Variants in SHLD2 observed in about 807,000 individuals in gnomAD.
SHLD2 encodes the protein shieldin complex subunit 2.
SHLD2 carries 30 observed loss-of-function variants against 73.2 expected under a neutral mutation model. The ratio of observed to expected loss-of-function variants is 0.41; its 90% confidence interval spans 0.31 to 0.56. SHLD2 has a LOEUF of 0.56. Among genes scored for constraint, SHLD2 ranks in the 20% least tolerant of loss-of-function variants. The pLI is 0.28. For synonymous variants in SHLD2, 285 were observed against 370.1 expected (o/e 0.77, Z 2.64); for missense variants, 745 against 1,055.9 (o/e 0.71, Z 4.08).
At chr10:87,187,005 T>C in intron 8 of SHLD2, 80 bp from the exon 9 acceptor site, 1 of 929,906 alleles carries the variant, frequency 1.1e-6, no homozygotes, top group Non-Finnish European at 1.7e-6. Context: ...ACCAAGTGCT[T>C]TTTGGAATTA....
intron 2 of SHLD2, among the ~76,000 whole-genome samples, chr10:87,107,094 C>A (rs75983988): frequency 5.6e-3 from 621 of 110,162 alleles, no homozygotes; most frequent in East Asian, 7.2e-3. Flanking sequence ...CAATAATTGG[C>A]AAAAAAAAAA....
chr10:87,170,350 G>A, intron 4 of SHLD2, 128 bp from the exon 5 acceptor site: 1 of 642,652 alleles, frequency 1.6e-6, no homozygotes, highest in Non-Finnish European at 2.5e-6. Context: ...ATGTTTTAGA[G>A]AAAGCAAAAC....
intron 2 of SHLD2, among the ~76,000 whole-genome samples, chr10:87,140,424 A>AG (rs1845108654): frequency 6.6e-6 from 1 of 151,200 alleles, no homozygotes; most frequent in African/African-American, 2.4e-5. Flanking sequence ...TATCTCAAAA[A>AG]AAAAAAAAAA....
intron 9 of SHLD2, among the ~76,000 whole-genome samples, chr10:87,188,366 C>A (rs559019907): frequency 6.6e-6 from 1 of 151,520 alleles, no homozygotes; most frequent in East Asian, 2.0e-4. Flanking sequence ...TTTTTTCTTT[C>A]CCCCATCTGT....
chr10:87,103,633 G>GT (rs1842407213), intron 2 of SHLD2, among the ~76,000 whole-genome samples: 1 of 152,106 alleles, frequency 6.6e-6, no homozygotes, highest in African/African-American at 2.4e-5. Flanking sequence ...TAATTTTGAT[G>GT]TTTTTTCCTT....
intron 8 of SHLD2, among the ~76,000 whole-genome samples, chr10:87,185,953 C>A (rs1032282382): frequency 1.3e-5 from 2 of 152,094 alleles, no homozygotes; most frequent in African/African-American, 4.8e-5. Flanking sequence ...AGCAGTCCTC[C>A]TCACCTTGGC....
At chr10:87,187,969 G>A (rs1008965046) in intron 9 of SHLD2, among the ~76,000 whole-genome samples, 4 of 152,200 alleles carry the variant, frequency 2.6e-5, no homozygotes, top group African/African-American at 4.8e-5. Flanking sequence ...TGCTTATGGT[G>A]GGAAGTGGTT....
chr10:87,167,180 C>T (rs914760791), intron 4 of SHLD2, among the ~76,000 whole-genome samples: 14 of 152,132 alleles, frequency 9.2e-5, no homozygotes, highest in South Asian at 2.1e-4. Flanking sequence ...TTTCATAAAA[C>T]TCTTATGACA....
At chr10:87,150,325 A>G (rs896018996) in intron 2 of SHLD2, among the ~76,000 whole-genome samples, 5 of 152,010 alleles carry the variant, frequency 3.3e-5, no homozygotes, top group Admixed American at 2.6e-4. Context: ...TGGCCTCCCA[A>G]AGTGCTGCGA....
chr10:87,148,728 G>C (rs1359388493), intron 2 of SHLD2, among the ~76,000 whole-genome samples: 1 of 152,022 alleles, frequency 6.6e-6, no homozygotes, highest in African/African-American at 2.4e-5. Flanking sequence ...GGGTGACAGA[G>C]AGAGACCCTA....
intron 3 of SHLD2, chr10:87,154,045 AC>A (rs1846201850): frequency 6.6e-6 from 1 of 152,178 alleles, no homozygotes; most frequent in East Asian, 1.9e-4. Flanking sequence ...TTTAATAGGG[AC>A]AGGGTCTCAC....
At chr10:87,126,370 A>G (rs1203297240) in intron 2 of SHLD2, among the ~76,000 whole-genome samples, 1 of 152,186 alleles carries the variant, frequency 6.6e-6, no homozygotes, top group Non-Finnish European at 1.5e-5. Flanking sequence ...ATGAGCCACC[A>G]CACCCAGTTG....
chr10:87,190,741 T>C lies in SHLD2; in HGVS notation c.*58T>C. On this transcript the variant is annotated 3_prime_UTR_variant, in exon 10 of 10. Transcript: ENST00000298786. ...AAGAAGTACTGAAATGATTTGTCTTTTGAAATAAATGAATGACAGGGCTTT... is the reference window on the plus strand; with the variant it reads ...AAGAAGTACTGAAATGATTTGTCTTCTGAAATAAATGAATGACAGGGCTTT... The C allele has an allele frequency of 7.2e-7, 1 of 1,397,616 alleles. No homozygotes were observed. 86.6% of individuals were successfully genotyped at this position (1,397,616 alleles called of 1,614,324 possible).
chr10:87,146,529 A>G (rs970840167), intron 2 of SHLD2, among the ~76,000 whole-genome samples: 11 of 151,932 alleles, frequency 7.2e-5, no homozygotes, highest in Admixed American at 6.5e-4. Flanking sequence ...CCTGACCTCA[A>G]GTGATCTGCC....
chr10:87,108,713 C>G (rs1157616004), intron 2 of SHLD2, among the ~76,000 whole-genome samples: 2 of 152,224 alleles, frequency 1.3e-5, no homozygotes, highest in Non-Finnish European at 2.9e-5. Flanking sequence ...TCAGTAGCTT[C>G]TGGCTTAACT....
At chr10:87,094,543 C>T, upstream of SHLD2, 1 of 1,612,492 alleles carries the variant, frequency 6.2e-7, no homozygotes, top group South Asian at 1.1e-5. This position sits in a 1 kb window ranked among gnomAD's most constrained non-coding sequence, Gnocchi z 6.6. Context: ...GCTGGCGCCG[C>T]GATCGAAGAA....
At chr10:87,151,304 A>G in intron 2 of SHLD2, 46 bp from the exon 3 acceptor site, 1 of 1,123,492 alleles carries the variant, frequency 8.9e-7, no homozygotes, top group Non-Finnish European at 1.2e-6. Context: ...CCATATGCAA[A>G]AATATGCTGA....
chr10:87,136,870 A>C (rs3117885), intron 2 of SHLD2, among the ~76,000 whole-genome samples: 1 of 152,214 alleles, frequency 6.6e-6, no homozygotes, highest in African/African-American at 2.4e-5. Flanking sequence ...CAAGTGAAGG[A>C]CTTGATCTCA....
In SHLD2 at chr10:87,152,239, T is replaced by C. The variant is rs745902587; in HGVS notation, c.885T>C (p.Gly295=). The change falls in exon 3 of 10, where the codon GGT becomes GGC. Residue 295 remains glycine, a synonymous_variant. Transcript: ENST00000298786. ...AAGAGAATTCGATTCAGCTTGATGG[T>C]TTTACAGAAGCATATGAAAGTGGAC... ...IPEENSIQLD[G]FTEAYESGQN... 5 of 1,574,648 alleles carry C rather than the reference T, an allele frequency of 3.2e-6. No homozygotes were observed. The highest frequency in any genetic ancestry group is 1.8e-5 in the Admixed American group (1 of 56,494).
Sources: allele counts gnomAD v4.1 joint callset (sites outside exome capture counted in the v4.1 genomes callset), GRCh38; gene constraint gnomAD v4.1.1; non-coding constraint Gnocchi (gnomAD v3.1); transcripts MANE v1.5; gene names NCBI Gene and HGNC (gene_info 2026-07-23, HGNC 2026-07-21).